IQGAP2: variants seen among roughly 807,000 people sequenced by gnomAD.
IQGAP2 encodes ras GTPase-activating-like protein IQGAP2.
A neutral mutation model predicts 201.3 loss-of-function variants in IQGAP2; 173 were observed. That is an observed-to-expected ratio of 0.86 (90% CI 0.76 to 0.98). The LOEUF (loss-of-function observed/expected upper bound fraction) is 0.98, where lower values mean the gene tolerates loss of function less well. Ranked by LOEUF, IQGAP2 falls within the 50% of genes least tolerant of loss-of-function variation. The pLI, the probability that IQGAP2 is intolerant of heterozygous loss-of-function variation, is 0.00. For synonymous variants in IQGAP2, 675 were observed against 673.9 expected, an observed-to-expected ratio of 1.00 and a Z score of -0.03; for missense variants, 1,687 against 1,864.8, an observed-to-expected ratio of 0.90 and a Z score of 1.76.
chr5:76,611,003 ACTT>A lies in IQGAP2; in HGVS notation c.1358-12_1358-10del, dbSNP rs759079125. ...TGTACTGTGACTTAAAAGGAAAACT[ACTT>A]CTTCATTTTCTAGGAGTTGTAGCTG... is the stretch of plus-strand genomic sequence containing the variant. On this transcript the variant is annotated splice_polypyrimidine_tract_variant and intron_variant, in intron 12 of 35. Transcript: ENST00000274364. The A allele has an allele frequency of 9.4e-6, 15 of 1,596,362 alleles. No homozygotes were observed. Among genetic ancestry groups the A allele is most frequent in the South Asian group, 6.8e-5 (6 of 88,226 alleles).
chr5:76,476,502 G>A (rs1337354478), intron 2 of IQGAP2, among the ~76,000 whole-genome samples: 3 of 152,188 alleles, frequency 2.0e-5, no homozygotes, highest in Non-Finnish European at 4.4e-5. Context: ...AGACAAGTAG[G>A]TAGAGAAAGT....
At chr5:76,626,270 C>CTTTTTTTTTTTTTTTTTTTTTTTTTTT (rs34251090) in intron 13 of IQGAP2, among the ~76,000 whole-genome samples, 4 of 83,654 alleles carry the variant, frequency 4.8e-5, no homozygotes, top group African/African-American at 5.0e-5. Flanking sequence ...TTCTTCTTTT[C>CTTTTTTTTTTTTTTTTTTTTTTTTTTT]TTTTTTTTTT....
intron 2 of IQGAP2, among the ~76,000 whole-genome samples, chr5:76,552,098 A>G (rs1270626215): frequency 6.6e-6 from 1 of 152,162 alleles, no homozygotes; most frequent in Non-Finnish European, 1.5e-5. Context: ...TTTAGGGACC[A>G]TTCTTCCTTT....
chr5:76,462,139 T>G (rs369191823), intron 2 of IQGAP2, among the ~76,000 whole-genome samples: 1 of 152,230 alleles, frequency 6.6e-6, no homozygotes, highest in Non-Finnish European at 1.5e-5. Flanking sequence ...CGGGGCCAAC[T>G]GCAGATTGTT....
At chr5:76,596,738 TCA>T (rs1204275958) in intron 9 of IQGAP2, among the ~76,000 whole-genome samples, 1 of 152,136 alleles carries the variant, frequency 6.6e-6, no homozygotes, top group Non-Finnish European at 1.5e-5. Flanking sequence ...TCGTGAGAAC[TCA>T]CTATCATCCA....
intron 32 of IQGAP2, 88 bp from the exon 33 acceptor site, chr5:76,697,899 T>A (rs1746903788): frequency 1.0e-6 from 1 of 970,754 alleles, no homozygotes; most frequent in African/African-American, 1.7e-5. Flanking sequence ...AGCGACTTAC[T>A]ACTGCTTGAT....
chr5:76,542,338 A>T (rs1742832997), intron 2 of IQGAP2, among the ~76,000 whole-genome samples: 1 of 152,202 alleles, frequency 6.6e-6, no homozygotes, highest in Non-Finnish European at 1.5e-5. Context: ...CTTTTCAAGA[A>T]ATCCCAAAGG....
intron 13 of IQGAP2, among the ~76,000 whole-genome samples, chr5:76,621,732 T>C (rs1476948426): frequency 6.6e-6 from 1 of 152,200 alleles, no homozygotes. Context: ...AAATAAGGCT[T>C]TTATTCCTCA....
intron 17 of IQGAP2, among the ~76,000 whole-genome samples, chr5:76,642,378 T>G (rs1399542411): frequency 6.6e-6 from 1 of 152,026 alleles, no homozygotes; most frequent in African/African-American, 2.4e-5. Context: ...GAACGATCAT[T>G]TGGAGCCTTT....
At chr5:76,617,996 A>G (rs780277307) in intron 13 of IQGAP2, 26 of 1,614,094 alleles carry the variant, frequency 1.6e-5, no homozygotes, top group Non-Finnish European at 2.0e-5. Context: ...CTGGCTGAAC[A>G]AGATAATATT....
At position 76,645,936 on chromosome 5, in the gene IQGAP2, G is replaced by A. The variant is rs530307537; in HGVS notation, c.2094+4833G>A. On this transcript the variant is annotated intron_variant, in intron 17 of 35. Coordinates refer to ENST00000274364, the MANE Select transcript of IQGAP2 (RefSeq NM_006633.5). ...CAGGTCACTTATTCAGAATGTTTGC[G>A]AATCTCAGATAATTGAAATTAAGTG... is the stretch of plus-strand genomic sequence containing the variant. 8.1e-3 allele frequency among the ~76,000 whole-genome samples: 1,228 copies of A among 152,120 alleles called. 10 individuals carry two copies. The highest frequency in any genetic ancestry group is 0.027 in the South Asian group (131 of 4,802).
chr5:76,531,679 A>G (rs1759303588), intron 2 of IQGAP2, among the ~76,000 whole-genome samples: 1 of 152,218 alleles, frequency 6.6e-6, no homozygotes, highest in African/African-American at 2.4e-5. Context: ...AGTGCATTTA[A>G]TTATTCAAAG....
chr5:76,507,708 CTGA>C (rs1757686546), intron 2 of IQGAP2, among the ~76,000 whole-genome samples: 1 of 152,092 alleles, frequency 6.6e-6, no homozygotes, highest in Non-Finnish European at 1.5e-5. Context: ...AGAAAACAAT[CTGA>C]TTAAAAATTG....
At chr5:76,412,173 GTTTAA>G (rs1751163654) in intron 1 of IQGAP2, among the ~76,000 whole-genome samples, 1 of 152,302 alleles carries the variant, frequency 6.6e-6, no homozygotes, top group African/African-American at 2.4e-5. Flanking sequence ...CTACCAATCT[GTTTAA>G]TTTACTTTTG....
intron 1 of IQGAP2, among the ~76,000 whole-genome samples, chr5:76,415,225 A>G (rs1008934571): frequency 1.3e-5 from 2 of 152,216 alleles, no homozygotes; most frequent in East Asian, 1.9e-4. Context: ...AATAATGTGG[A>G]CAAAATAGAA....
chr5:76,484,881 G>C (rs977496522), intron 2 of IQGAP2, among the ~76,000 whole-genome samples: 2 of 152,152 alleles, frequency 1.3e-5, no homozygotes, highest in Non-Finnish European at 2.9e-5. Context: ...ACCCAGGCTG[G>C]AGTGCAGTGG....
chr5:76,520,874 AT>A (rs1186753817), intron 2 of IQGAP2, among the ~76,000 whole-genome samples: 1 of 151,690 alleles, frequency 6.6e-6, no homozygotes, highest in Non-Finnish European at 1.5e-5. Flanking sequence ...TGCCCGGCTA[AT>A]TTTTTGTATT....
At chr5:76,693,258 C>T in intron 30 of IQGAP2, 97 bp from the exon 31 acceptor site, 2 of 690,520 alleles carry the variant, frequency 2.9e-6, no homozygotes, top group Non-Finnish European at 5.0e-6. Context: ...TTTGAAGCTT[C>T]AGTATTGTAT....
intron 17 of IQGAP2, among the ~76,000 whole-genome samples, chr5:76,643,842 G>A (rs1751785173): frequency 6.6e-6 from 1 of 152,118 alleles, no homozygotes; most frequent in African/African-American, 2.4e-5. Context: ...CAGAGTCTGT[G>A]GGCCAAGAGG....
Sources: gnomAD v4.1 joint callset for allele counts (sites outside exome capture counted in the v4.1 genomes callset) on GRCh38, gnomAD v4.1.1 for gene constraint, MANE v1.5 for transcripts, NCBI Gene and HGNC (gene_info 2026-07-23, HGNC 2026-07-21) for gene names.